ARHGAP22: variants seen among roughly 807,000 people sequenced by gnomAD.
ARHGAP22 encodes the protein rho GTPase-activating protein 22.
Under a neutral mutation model 59.1 loss-of-function variants are expected in ARHGAP22, and 48 were observed. The observed-to-expected ratio is 0.81, with a 90% CI of 0.64 to 1.03. The LOEUF is 1.03. ARHGAP22 is among the 50% of genes least tolerant of loss of function. The pLI is 0.00. For missense variants in ARHGAP22, 1,015 were observed against 958.7 expected (o/e 1.06, Z -0.78); for synonymous variants, 445 against 416.4 (o/e 1.07, Z -0.84).
chr10:48,431,862 C>T, the ARHGAP22 span, among the ~76,000 whole-genome samples: 4 of 152,128 alleles, frequency 2.6e-5, no homozygotes, highest in Admixed American at 6.5e-5. Context: ...GTAACATGTA[C>T]ACTAAGTACA....
At chr10:48,604,703 G>C in intron 1 of ARHGAP22, 60 bp downstream of exon 1, 2 of 1,613,576 alleles carry the variant, frequency 1.2e-6, no homozygotes, top group Non-Finnish European at 1.7e-6. Context: ...CCAAGTGTCC[G>C]CGCACGTTTG....
intron 2 of ARHGAP22, among the ~76,000 whole-genome samples, chr10:48,564,237 T>C (rs1411701627): frequency 1.3e-5 from 2 of 152,196 alleles, no homozygotes; most frequent in Non-Finnish European, 2.9e-5. Flanking sequence ...GTAACATTTT[T>C]TACTACACAA....
At chr10:48,501,436 G>T (rs2051511814) in intron 3 of ARHGAP22, among the ~76,000 whole-genome samples, 3 of 152,274 alleles carry the variant, frequency 2.0e-5, no homozygotes, top group Admixed American at 2.0e-4. Flanking sequence ...CCCATGGGAG[G>T]TGCTCTTGGC....
upstream of ARHGAP22, among the ~76,000 whole-genome samples, chr10:48,606,523 C>T (rs1417838824): frequency 6.6e-6 from 1 of 152,178 alleles, no homozygotes; most frequent in Non-Finnish European, 1.5e-5. Flanking sequence ...ATGGTAGCAT[C>T]CATGGACTCC....
chr10:48,519,553 G>A (rs1485977770), intron 3 of ARHGAP22, among the ~76,000 whole-genome samples: 1 of 152,204 alleles, frequency 6.6e-6, no homozygotes, highest in East Asian at 1.9e-4. Context: ...CTCTGCTCTT[G>A]CTACTGTTCA....
At chr10:48,586,650 A>G (rs994175465) in intron 1 of ARHGAP22, among the ~76,000 whole-genome samples, 17 of 152,212 alleles carry the variant, frequency 1.1e-4, no homozygotes, top group African/African-American at 4.1e-4. Context: ...CATCACTACC[A>G]ACATAAAATA....
At chr10:48,626,999 A>ATC (rs1417923083) in intron 1 of ARHGAP22, among the ~76,000 whole-genome samples, 1 of 152,160 alleles carries the variant, frequency 6.6e-6, no homozygotes, top group Non-Finnish European at 1.5e-5. Flanking sequence ...GATTTGATTA[A>ATC]TCATGCCCAC....
chr10:48,494,792 C>A (rs1446951377), intron 3 of ARHGAP22, among the ~76,000 whole-genome samples: 2 of 152,198 alleles, frequency 1.3e-5, no homozygotes, highest in African/African-American at 4.8e-5. Flanking sequence ...CTCGGACCAC[C>A]TCTCCTCCCC....
intron 3 of ARHGAP22, among the ~76,000 whole-genome samples, chr10:48,536,496 C>T (rs1290952701): frequency 1.3e-5 from 2 of 152,222 alleles, no homozygotes. Flanking sequence ...GTCCCCCCAC[C>T]TGCTAGTTAC....
Position 48,604,923 on chromosome 10 carries a change from C to A in ARHGAP22, c.-127G>T. The A allele has an allele frequency of 6.4e-7, 1 of 1,566,710 alleles. No individual in the cohort carries two copies. The highest frequency in any genetic ancestry group is 8.6e-7 in the Non-Finnish European group (1 of 1,159,816). On this transcript the variant is annotated 5_prime_UTR_variant, in exon 1 of 10. Coordinates refer to ENST00000249601, the MANE Select transcript of ARHGAP22 (RefSeq NM_021226.4). ...CGGGGCCCCGTGGCCGCTGGCGTCA[C>A]CCGTCAGGCTCCCTCGGCTACCTCT...
intron 1 of ARHGAP22, among the ~76,000 whole-genome samples, chr10:48,646,196 T>C (rs1398830304): frequency 6.6e-6 from 1 of 152,174 alleles, no homozygotes; most frequent in African/African-American, 2.4e-5. Context: ...AAGATATAAA[T>C]AATTAGAAGT....
chr10:48,505,983 A>G (rs1231278250), intron 3 of ARHGAP22, among the ~76,000 whole-genome samples: 1 of 152,188 alleles, frequency 6.6e-6, no homozygotes, highest in Non-Finnish European at 1.5e-5. Flanking sequence ...CACAAAATCT[A>G]TAGGCATGTG....
intron 4 of ARHGAP22, chr10:48,466,470 G>T (rs1426691989): frequency 6.6e-6 from 1 of 151,484 alleles, no homozygotes; most frequent in Non-Finnish European, 1.5e-5. Flanking sequence ...ACGCATGCGC[G>T]GCGCTCTCGC....
chr10:48,587,075 G>C (rs2135699684), intron 1 of ARHGAP22, among the ~76,000 whole-genome samples: 1 of 152,344 alleles, frequency 6.6e-6, no homozygotes. Context: ...ACACAGACTT[G>C]GAAGAAACCA....
intron 3 of ARHGAP22, among the ~76,000 whole-genome samples, chr10:48,522,683 A>T (rs2053917414): frequency 6.6e-6 from 1 of 152,210 alleles, no homozygotes; most frequent in South Asian, 2.1e-4. Context: ...CTATTGTCAT[A>T]GTGAAGACAC....
chr10:48,456,967 G>A (rs920467888), intron 5 of ARHGAP22, among the ~76,000 whole-genome samples: 25 of 152,078 alleles, frequency 1.6e-4, no homozygotes, highest in African/African-American at 5.3e-4. Flanking sequence ...TCCTGTGGGC[G>A]CCTCCCCAGC....
intron 2 of ARHGAP22, among the ~76,000 whole-genome samples, chr10:48,577,705 TAC>T (rs56253300): frequency 0.53 from 79,908 of 149,948 alleles, 22,299 homozygotes; most frequent in East Asian, 0.97. Flanking sequence ...TCTCAGAGAA[TAC>T]ATACAACTCC....
chr10:48,485,749 T>A (rs997959803), intron 3 of ARHGAP22, among the ~76,000 whole-genome samples: 1 of 152,242 alleles, frequency 6.6e-6, no homozygotes, highest in Non-Finnish European at 1.5e-5. Context: ...TGAAATGACC[T>A]TATTTATCCC....
At chr10:48,579,893 C>T (rs1052899372) in intron 2 of ARHGAP22, among the ~76,000 whole-genome samples, 4 of 152,128 alleles carry the variant, frequency 2.6e-5, no homozygotes, top group African/African-American at 7.2e-5. Context: ...ATTTGTGAGG[C>T]TATGTTGCCA....
Sources: allele counts gnomAD v4.1 joint callset (sites outside exome capture counted in the v4.1 genomes callset), GRCh38; gene constraint gnomAD v4.1.1; transcripts MANE v1.5; gene names NCBI Gene and HGNC (gene_info 2026-07-23, HGNC 2026-07-21).